Variants in ZNF804B observed in about 807,000 individuals in gnomAD.
ZNF804B encodes zinc finger protein 804B.
Under a neutral mutation model 101.4 loss-of-function variants are expected in ZNF804B, and 80 were observed. The observed-to-expected ratio is 0.79, with a 90% confidence interval of 0.66 to 0.95. The LOEUF is 0.95. Ranked by LOEUF, ZNF804B falls within the 40% of genes least tolerant of loss-of-function variation. The probability of loss-of-function intolerance (pLI) is 0.00; values close to 1 mark genes in which losing one functional copy is unlikely to be tolerated. For synonymous variants in ZNF804B, 622 were observed against 558.8 expected (o/e 1.11, Z -1.59); for missense variants, 1,673 against 1,561.9 (o/e 1.07, Z -1.20).
intron 1 of ZNF804B, among the ~76,000 whole-genome samples, chr7:89,072,416 A>G (rs2116299580): frequency 6.6e-6 from 1 of 152,244 alleles, no homozygotes; most frequent in South Asian, 2.1e-4. Flanking sequence ...TGCCTTTTAA[A>G]TTAAAGAATG....
intron 1 of ZNF804B, among the ~76,000 whole-genome samples, chr7:89,215,494 C>T (rs1325525045): frequency 6.6e-6 from 1 of 152,024 alleles, no homozygotes; most frequent in East Asian, 1.9e-4. Context: ...TACACCAGCT[C>T]ATGAGGCTAA....
intron 1 of ZNF804B, among the ~76,000 whole-genome samples, chr7:89,062,509 T>C (rs1232166297): frequency 6.6e-6 from 1 of 152,174 alleles, no homozygotes; most frequent in Non-Finnish European, 1.5e-5. Context: ...TTTTTATTTA[T>C]ATATTGATAT....
chr7:89,192,779 C>A (rs1788476507), intron 1 of ZNF804B, among the ~76,000 whole-genome samples: 1 of 152,000 alleles, frequency 6.6e-6, no homozygotes, highest in South Asian at 2.1e-4. Flanking sequence ...CCAAATCCAG[C>A]AGCACATCAA....
chr7:89,003,876 T>C (rs1043106762), intron 1 of ZNF804B, among the ~76,000 whole-genome samples: 2 of 151,936 alleles, frequency 1.3e-5, no homozygotes, highest in African/African-American at 4.8e-5. Flanking sequence ...ATTATGTCAA[T>C]TATGTTTAAA....
In ZNF804B at chr7:89,069,226, T is replaced by G. The variant is rs565069249; in HGVS notation, c.109-148929T>G. On this transcript the variant is annotated intron_variant, in intron 1 of 3. Coordinates refer to ENST00000333190, the MANE Select transcript of ZNF804B (RefSeq NM_181646.5). ...TGTGGCCAAGATGGCAAGAGAAATC[T>G]CTTATGTCTCTTTACCTAGAGAGCT... Among the ~76,000 whole-genome samples the G allele has an allele frequency of 4.6e-5, 7 of 152,290 alleles. No individual in the cohort carries two copies. The South Asian group carries it at 8.3e-4, about 18-fold the overall frequency.
At chr7:89,006,158 A>AT (rs1160357635) in intron 1 of ZNF804B, among the ~76,000 whole-genome samples, 4 of 151,990 alleles carry the variant, frequency 2.6e-5, no homozygotes, top group Non-Finnish European at 4.4e-5. Context: ...AAGCAAGGGC[A>AT]TTTTTTTTCT....
At chr7:89,332,090 GA>G (rs1790993800) in intron 3 of ZNF804B, among the ~76,000 whole-genome samples, 2 of 151,210 alleles carry the variant, frequency 1.3e-5, no homozygotes, top group African/African-American at 4.8e-5. Context: ...TATAAGAAGG[GA>G]AAAGCATACA....
At chr7:88,869,320 T>C (rs558693858) in intron 1 of ZNF804B, among the ~76,000 whole-genome samples, 1 of 152,278 alleles carries the variant, frequency 6.6e-6, no homozygotes, top group East Asian at 1.9e-4. Flanking sequence ...CAGGTATACC[T>C]ACCTTGGGGC....
At chr7:89,075,265 CA>C (rs1789598695) in intron 1 of ZNF804B, among the ~76,000 whole-genome samples, 1 of 152,162 alleles carries the variant, frequency 6.6e-6, no homozygotes, top group Non-Finnish European at 1.5e-5. Flanking sequence ...GTCTCTACGG[CA>C]GCCCCTCCCA....
rs1791097445 is a variant in ZNF804B, at chr7:89,336,606, C to G, written c.3624C>G (p.Thr1208=). The G allele has an allele frequency of 6.2e-7, 1 of 1,614,140 alleles. No homozygotes were observed. Among genetic ancestry groups the G allele is most frequent in the Non-Finnish European group, 8.5e-7 (1 of 1,180,000 alleles). Reference sequence around the variant, plus strand: ...TTCACCAGCACACTTCTATCACCACCATCCACCACACGTTCCTGCAGCATT... The same window carrying G: ...TTCACCAGCACACTTCTATCACCACGATCCACCACACGTTCCTGCAGCATT... ...VPVHQHTSIT[T]IHHTFLQHFA... The change falls in exon 4 of 4, where the codon ACC becomes ACG. Residue 1208 remains threonine (T), a synonymous_variant. Coordinates refer to ENST00000333190, the MANE Select transcript of ZNF804B (RefSeq NM_181646.5).
intron 1 of ZNF804B, among the ~76,000 whole-genome samples, chr7:88,926,995 G>T (rs982247733): frequency 2.7e-5 from 4 of 150,040 alleles, no homozygotes; most frequent in Admixed American, 1.4e-4. Flanking sequence ...CTCCTCAAAA[G>T]AATTAAAAAG....
intron 1 of ZNF804B, among the ~76,000 whole-genome samples, chr7:88,832,805 G>GA (rs1343200831): frequency 6.6e-6 from 1 of 151,868 alleles, no homozygotes; most frequent in African/African-American, 2.4e-5. Context: ...ATCCTGTGGG[G>GA]AAGCAAAACA....
intron 2 of ZNF804B, among the ~76,000 whole-genome samples, chr7:89,308,504 A>G (rs1195964438): frequency 6.6e-6 from 1 of 152,226 alleles, no homozygotes; most frequent in Non-Finnish European, 1.5e-5. Flanking sequence ...TTTGCATTCT[A>G]GAGACTCAAA....
At chr7:89,306,349 T>C (rs1405065859) in intron 2 of ZNF804B, among the ~76,000 whole-genome samples, 1 of 152,006 alleles carries the variant, frequency 6.6e-6, no homozygotes, top group Non-Finnish European at 1.5e-5. Flanking sequence ...TTTCACAAAG[T>C]CAAGGATTCC....
chr7:89,092,362 C>A (rs75288188), intron 1 of ZNF804B, among the ~76,000 whole-genome samples: 2 of 148,682 alleles, frequency 1.3e-5, no homozygotes, highest in Non-Finnish European at 3.0e-5. Context: ...TGGACACTTA[C>A]GTTATACTTT....
intron 1 of ZNF804B, among the ~76,000 whole-genome samples, chr7:88,978,935 C>G (rs1458099757): frequency 4.6e-5 from 7 of 151,194 alleles, no homozygotes; most frequent in Non-Finnish European, 5.9e-5. Flanking sequence ...TTTGTGTATC[C>G]ATTGTGGGTT....
intron 1 of ZNF804B, among the ~76,000 whole-genome samples, chr7:89,027,644 G>T (rs530564085): frequency 6.6e-6 from 1 of 152,290 alleles, no homozygotes; most frequent in East Asian, 1.9e-4. Flanking sequence ...TAGGAAGAGA[G>T]AACCTCTCCC....
At chr7:88,814,643 T>C (rs1790847153) in intron 1 of ZNF804B, among the ~76,000 whole-genome samples, 1 of 152,166 alleles carries the variant, frequency 6.6e-6, no homozygotes, top group Non-Finnish European at 1.5e-5. Flanking sequence ...TTATTATAAT[T>C]GGAACATTAA....
At chr7:89,303,313 A>C (rs901611963) in intron 2 of ZNF804B, among the ~76,000 whole-genome samples, 3 of 151,926 alleles carry the variant, frequency 2.0e-5, no homozygotes, top group Non-Finnish European at 2.9e-5. Context: ...TTGAAACTTC[A>C]ATTTATGTAG....
Sources: gnomAD v4.1 joint callset for allele counts (sites outside exome capture counted in the v4.1 genomes callset) on GRCh38, gnomAD v4.1.1 for gene constraint, MANE v1.5 for transcripts, NCBI Gene and HGNC (gene_info 2026-07-23, HGNC 2026-07-21) for gene names.